SLC9C2: variants seen among roughly 807,000 people sequenced by gnomAD.
SLC9C2 encodes the protein sodium/hydrogen exchanger 11.
In SLC9C2, 75 loss-of-function variants were observed where a neutral mutation model predicts 140.2. That is an observed-to-expected ratio of 0.53 (90% CI 0.44 to 0.65). The LOEUF (loss-of-function observed/expected upper bound fraction) is 0.65, where lower values mean the gene tolerates loss of function less well. Ranked by LOEUF, SLC9C2 falls within the 30% of genes least tolerant of loss-of-function variation. SLC9C2 has a pLI of 0.00. For synonymous variants in SLC9C2, 375 were observed against 420.9 expected (o/e 0.89, Z 1.34); for missense variants, 1,074 against 1,331.8 (o/e 0.81, Z 3.01).
intron 17 of SLC9C2, among the ~76,000 whole-genome samples, chr1:173,533,017 G>A (rs1661695812): frequency 1.3e-5 from 2 of 152,166 alleles, no homozygotes; most frequent in Non-Finnish European, 1.5e-5. Context: ...TCAGGAGGAT[G>A]AGGTAGAAAT....
At chr1:173,590,374 TA>T (rs1302266507) in intron 4 of SLC9C2, among the ~76,000 whole-genome samples, 2 of 152,004 alleles carry the variant, frequency 1.3e-5, no homozygotes, top group Non-Finnish European at 2.9e-5. Flanking sequence ...TATGTATAAA[TA>T]AAAAGATACT....
chr1:173,569,367 T>C (rs1475116894), intron 9 of SLC9C2, among the ~76,000 whole-genome samples: 3 of 152,018 alleles, frequency 2.0e-5, no homozygotes, highest in Non-Finnish European at 4.4e-5. Flanking sequence ...TTTTCTGCTT[T>C]TAGGGTCCTT....
Position 173,536,986 on chromosome 1 carries a change from C to G in SLC9C2, c.1611G>C (p.Arg537=), listed in dbSNP as rs1413857942. Residue 537 remains arginine, a synonymous_variant, in exon 14 of 28, where the codon CGG becomes CGC. Transcript: ENST00000367714. ...AGCATTTTGCTGCACCAATTAATAT[C>G]CGGGCTGCCTCTATTTCAAGAATTC... The part of the protein sequence containing the change: ...NNGILEIEAA[R]ILIGAAKCYY... The G allele has an allele frequency of 6.2e-7, 1 of 1,613,756 alleles. No individual in the cohort carries two copies. Among genetic ancestry groups the G allele is most frequent in the East Asian group, 2.2e-5 (1 of 44,810 alleles).
intron 9 of SLC9C2, 50 bp downstream of exon 9, chr1:173,573,132 G>C: frequency 7.6e-7 from 1 of 1,319,974 alleles, no homozygotes; most frequent in Non-Finnish European, 1.0e-6. Context: ...TTCTAATTCT[G>C]GCCTTGAGAA....
intron 22 of SLC9C2, among the ~76,000 whole-genome samples, chr1:173,518,442 T>C (rs1660578895): frequency 6.6e-6 from 1 of 152,214 alleles, no homozygotes; most frequent in South Asian, 2.1e-4. Context: ...AACCAAGCCA[T>C]GATGTTAATG....
chr1:173,581,176 ACTGT>A (rs1463188399), intron 7 of SLC9C2, among the ~76,000 whole-genome samples: 1 of 152,212 alleles, frequency 6.6e-6, no homozygotes, highest in Non-Finnish European at 1.5e-5. Context: ...AAGTTGCTTC[ACTGT>A]CTGAGATGAG....
chr1:173,551,734 C>G (rs1281126594), intron 11 of SLC9C2, among the ~76,000 whole-genome samples: 2 of 152,268 alleles, frequency 1.3e-5, no homozygotes, highest in East Asian at 1.9e-4. Flanking sequence ...TTCTGCATCT[C>G]TCTCTCGCTC....
In SLC9C2 at chr1:173,505,342, A is replaced by G. The variant is rs1358084548; in HGVS notation, c.3226-11T>C. 1 of 1,609,756 alleles carries G rather than the reference A, an allele frequency of 6.2e-7. No homozygotes were observed. Among genetic ancestry groups the G allele is most frequent in the East Asian group, 2.2e-5 (1 of 44,812 alleles). On this transcript the variant is annotated splice_polypyrimidine_tract_variant and intron_variant, in intron 25 of 27. Coordinates refer to ENST00000367714, the MANE Select transcript of SLC9C2 (RefSeq NM_178527.4). Reference sequence around the variant, plus strand: ...AGAAGTTCCCTGAACCTAGAGGAGAAAAGTCAAAATTAGTCAAAAGAGCAT... The same window carrying G: ...AGAAGTTCCCTGAACCTAGAGGAGAGAAGTCAAAATTAGTCAAAAGAGCAT...
intron 18 of SLC9C2, among the ~76,000 whole-genome samples, chr1:173,527,267 C>T (rs746858536): frequency 2.6e-5 from 4 of 152,148 alleles, no homozygotes; most frequent in Non-Finnish European, 4.4e-5. Flanking sequence ...CATGCTCAGA[C>T]GTCAATCTCA....
At chr1:173,526,763 C>T in intron 18 of SLC9C2, 49 bp from the exon 19 acceptor site, 3 of 1,291,500 alleles carry the variant, frequency 2.3e-6, no homozygotes, top group Non-Finnish European at 3.2e-6. Context: ...CATATAGTTT[C>T]TGTAAGAAAT....
intron 9 of SLC9C2, among the ~76,000 whole-genome samples, chr1:173,568,405 GT>G (rs60221574): frequency 0.16 from 24,883 of 152,026 alleles, 6,763 homozygotes; most frequent in African/African-American, 0.57. Context: ...TCCTGTGTTA[GT>G]TTGCTAAGGA....
chr1:173,576,450 C>A (rs934225840), intron 8 of SLC9C2, among the ~76,000 whole-genome samples: 3 of 152,140 alleles, frequency 2.0e-5, no homozygotes, highest in Non-Finnish European at 4.4e-5. Context: ...GGTTTCTGAG[C>A]CACTGATACT....
chr1:173,538,945 C>T (rs531751794), intron 13 of SLC9C2, among the ~76,000 whole-genome samples: 49 of 152,070 alleles, frequency 3.2e-4, no homozygotes, highest in Middle Eastern at 3.4e-3. Context: ...CAACCCCAAT[C>T]CCTGAAAAAC....
intron 5 of SLC9C2, among the ~76,000 whole-genome samples, chr1:173,585,456 C>G (rs753840718): frequency 6.6e-6 from 1 of 151,956 alleles, no homozygotes; most frequent in Admixed American, 6.6e-5. Flanking sequence ...AAGAAAGAAC[C>G]ATTTATCTAA....
chr1:173,601,583 T>C lies in SLC9C2; in HGVS notation c.127+67A>G, dbSNP rs921074665. On this transcript the variant is annotated intron_variant, in intron 2 of 27. Transcript: ENST00000367714. The stretch of plus-strand genomic sequence containing the variant: ...TTCTTTTGATGTTATGTAGTTGTGA[T>C]GGCTTTCTGCATTGACAAAAGGTTC... 16 of 1,558,744 alleles carry C rather than the reference T, an allele frequency of 1.0e-5. No homozygotes were observed. In the African/African-American group the frequency reaches 1.4e-4, roughly 13 times the overall value.
At chr1:173,532,842 C>T (rs1047514777) in intron 17 of SLC9C2, among the ~76,000 whole-genome samples, 2 of 152,068 alleles carry the variant, frequency 1.3e-5, no homozygotes, top group African/African-American at 4.8e-5. Context: ...AGCCCAGGAG[C>T]TTTAGACCAG....
chr1:173,570,328 GT>G (rs1664761590), intron 9 of SLC9C2, among the ~76,000 whole-genome samples: 1 of 152,152 alleles, frequency 6.6e-6, no homozygotes, highest in African/African-American at 2.4e-5. Context: ...GACCCAGGGT[GT>G]GTCTAGAAAT....
chr1:173,558,091 A>C (rs1406240055), intron 9 of SLC9C2, among the ~76,000 whole-genome samples: 2 of 152,214 alleles, frequency 1.3e-5, no homozygotes, highest in African/African-American at 4.8e-5. Context: ...TGGCAGTGAG[A>C]GAATATCAAT....
chr1:173,558,542 C>G (rs972767620), intron 9 of SLC9C2, among the ~76,000 whole-genome samples: 2 of 152,190 alleles, frequency 1.3e-5, no homozygotes, highest in African/African-American at 4.8e-5. Context: ...GTCTCAGCTT[C>G]TTCATCTGTA....
Sources: gnomAD v4.1 joint callset for allele counts (sites outside exome capture counted in the v4.1 genomes callset) on GRCh38, gnomAD v4.1.1 for gene constraint, MANE v1.5 for transcripts, NCBI Gene and HGNC (gene_info 2026-07-23, HGNC 2026-07-21) for gene names.